The following WDPCP variants were observed in gnomAD, a reference collection of about 807,000 sequenced individuals.
The protein encoded by WDPCP is WD repeat containing planar cell polarity effector.
Under a neutral mutation model 93.1 loss-of-function variants are expected in WDPCP, and 71 were observed. The ratio of observed to expected loss-of-function variants is 0.76; its 90% CI spans 0.63 to 0.93. The LOEUF is 0.93. Among genes scored for constraint, WDPCP ranks in the 40% least tolerant of loss-of-function variants. The pLI is 0.00. For missense variants in WDPCP, 844 were observed against 887.4 expected (o/e 0.95, Z 0.62); for synonymous variants, 315 against 315.0 (o/e 1.00, Z 0.00).
intron 13 of WDPCP, among the ~76,000 whole-genome samples, chr2:63,286,195 A>T (rs1683988268): frequency 2.0e-5 from 3 of 152,108 alleles, no homozygotes; most frequent in Admixed American, 2.0e-4. Context: ...AATGTAATAT[A>T]TATCTGGATT....
At chr2:63,652,683 T>C (rs1370278420) in intron 2 of WDPCP, among the ~76,000 whole-genome samples, 1 of 152,220 alleles carries the variant, frequency 6.6e-6, no homozygotes, top group Non-Finnish European at 1.5e-5. Context: ...GATAAAAGGA[T>C]TCAGAAATGA....
chr2:63,212,843 C>T (rs1293244029), intron 14 of WDPCP, among the ~76,000 whole-genome samples: 1 of 149,524 alleles, frequency 6.7e-6, no homozygotes, highest in Non-Finnish European at 1.5e-5. Flanking sequence ...ATAAAACAGA[C>T]TTTAAACCAG....
At chr2:63,271,010 C>A (rs1344101749) in intron 13 of WDPCP, among the ~76,000 whole-genome samples, 1 of 152,182 alleles carries the variant, frequency 6.6e-6, no homozygotes, top group Non-Finnish European at 1.5e-5. Context: ...TGACATTTCC[C>A]CCAACATCAG....
chr2:63,275,583 TC>T (rs1235903027), intron 13 of WDPCP, among the ~76,000 whole-genome samples: 2 of 152,194 alleles, frequency 1.3e-5, no homozygotes, highest in African/African-American at 4.8e-5. Context: ...TATCAGAGTT[TC>T]TATATATCAA....
chr2:63,609,836 C>T (rs920920791), intron 3 of WDPCP, among the ~76,000 whole-genome samples: 1 of 152,166 alleles, frequency 6.6e-6, no homozygotes, highest in African/African-American at 2.4e-5. Flanking sequence ...CATGCCACTG[C>T]ACTTTAGTCT....
At chr2:63,440,502 T>C (rs771246833) in intron 6 of WDPCP, 7 of 152,302 alleles carry the variant, frequency 4.6e-5, no homozygotes, top group Non-Finnish European at 8.8e-5. Context: ...TAGTAGAGCA[T>C]CCAGGCTTTA....
chr2:63,186,813 T>G (rs79722169), intron 14 of WDPCP, among the ~76,000 whole-genome samples: 20,664 of 145,742 alleles, frequency 0.14, 1,733 homozygotes, highest in Middle Eastern at 0.21. Context: ...GTGTGTGTGT[T>G]TTTTTTTTTT....
chr2:63,141,544 C>T (rs1339049069), intron 17 of WDPCP, among the ~76,000 whole-genome samples: 1 of 152,170 alleles, frequency 6.6e-6, no homozygotes, highest in Non-Finnish European at 1.5e-5. Context: ...AGAAGTTTAA[C>T]ATCAATGTTC....
chr2:63,147,798 A>C (rs774604439), intron 17 of WDPCP, among the ~76,000 whole-genome samples: 1 of 152,010 alleles, frequency 6.6e-6, no homozygotes, highest in Non-Finnish European at 1.5e-5. Flanking sequence ...GTGAAACCTC[A>C]TCTGTACTAA....
At chr2:63,514,857 C>T (rs1702453173) in intron 1 of WDPCP, among the ~76,000 whole-genome samples, 1 of 152,124 alleles carries the variant, frequency 6.6e-6, no homozygotes, top group African/African-American at 2.4e-5. Context: ...TAGATATGAA[C>T]TATCAATTAT....
chr2:63,720,143 G>A lies in WDPCP; in HGVS notation n.309-69305C>T, dbSNP rs938851963. 5.3e-5 allele frequency among the ~76,000 whole-genome samples: 8 copies of A among 152,116 alleles called. No homozygotes were observed. In the South Asian group the frequency reaches 1.0e-3, roughly 20 times the overall value. ...TTAAAAATTGCTAAATAGGCCTGGC[G>A]CAGTGGCTCATGCCTGTAATCCTAG... is the stretch of plus-strand genomic sequence containing the variant. On this transcript the variant is annotated intron_variant and non_coding_transcript_variant, in intron 2 of 4. Transcript: ENST00000467687.
At chr2:63,477,523 G>T (rs1700039399) in intron 6 of WDPCP, among the ~76,000 whole-genome samples, 1 of 152,104 alleles carries the variant, frequency 6.6e-6, no homozygotes, top group African/African-American at 2.4e-5. Flanking sequence ...GAAAATGGTG[G>T]ATAGGAGGCA....
chr2:63,413,035 T>C (rs1305384372), intron 9 of WDPCP, among the ~76,000 whole-genome samples: 6 of 152,202 alleles, frequency 3.9e-5, no homozygotes, highest in African/African-American at 1.4e-4. Context: ...AAAATTCATA[T>C]GGAACCAAAA....
At chr2:63,397,240 G>T (rs1184850892) in intron 10 of WDPCP, among the ~76,000 whole-genome samples, 1 of 152,162 alleles carries the variant, frequency 6.6e-6, no homozygotes, top group Non-Finnish European at 1.5e-5. Context: ...GTCACTAATT[G>T]GATGTGGCAT....
intron 12 of WDPCP, among the ~76,000 whole-genome samples, chr2:63,339,711 A>G (rs1370369479): frequency 6.6e-6 from 1 of 152,124 alleles, no homozygotes; most frequent in Non-Finnish European, 1.5e-5. Context: ...TGCTCTCACC[A>G]GGAGTTTCCA....
chr2:63,606,287 A>G (rs969723556), intron 3 of WDPCP, among the ~76,000 whole-genome samples: 1 of 152,176 alleles, frequency 6.6e-6, no homozygotes, highest in East Asian at 1.9e-4. Flanking sequence ...AGGCTGAGGT[A>G]GGAGGATCAC....
chr2:63,575,508 C>CTGTATATACAGTATATACAGTATATACAG (rs1708022942), intron 1 of WDPCP, among the ~76,000 whole-genome samples: 1 of 65,954 alleles, frequency 1.5e-5, no homozygotes, highest in Non-Finnish European at 3.2e-5. Context: ...AGTATATACA[C>CTGTATATACAGTATATACAGTATATACAG]TGTATATATA....
At chr2:63,248,358 C>G (rs1407127098) in intron 14 of WDPCP, among the ~76,000 whole-genome samples, 1 of 152,134 alleles carries the variant, frequency 6.6e-6, no homozygotes, top group Non-Finnish European at 1.5e-5. Context: ...TGAGTTTATT[C>G]TCTCTTGCTG....
chr2:63,595,319 G>A, intron 3 of WDPCP: 2 of 750,124 alleles, frequency 2.7e-6, no homozygotes, highest in Non-Finnish European at 4.9e-6. Context: ...TAATTAATGG[G>A]AATTACATGC....
Sources: allele counts gnomAD v4.1 joint callset (sites outside exome capture counted in the v4.1 genomes callset), GRCh38; gene constraint gnomAD v4.1.1; transcripts MANE v1.5; gene names NCBI Gene and HGNC (gene_info 2026-07-23, HGNC 2026-07-21).